Variants in DBT observed in about 807,000 individuals in gnomAD.
DBT encodes the protein lipoamide acyltransferase component of branched-chain alpha-keto acid dehydrogenase complex, mitochondrial.
A neutral mutation model predicts 51.3 loss-of-function variants in DBT; 40 were observed. The ratio of observed to expected loss-of-function variants is 0.78; its 90% confidence interval spans 0.61 to 1.02. The LOEUF (loss-of-function observed/expected upper bound fraction) is 1.02. DBT is among the 50% of genes least tolerant of loss of function. The pLI, the probability that DBT is intolerant of heterozygous loss-of-function variation, is 0.00. For missense variants in DBT, 510 were observed against 580.2 expected (o/e 0.88, Z 1.24); for synonymous variants, 181 against 190.4 (o/e 0.95, Z 0.41).
At position 100,187,948 on chromosome 1, in the gene DBT, T is replaced by C. The variant is rs1342487793; in HGVS notation, c.*8307A>G. On this transcript the variant is annotated 3_prime_UTR_variant, in exon 11 of 11. Transcript: ENST00000370132. The stretch of plus-strand genomic sequence containing the variant: ...TTGAAACTGGAGTATACTGCACTTA[T>C]ATATCATTATTTCTAATATACACCT... The C allele has an allele frequency of 1.3e-5, 2 of 152,208 alleles. No homozygotes were observed. Among genetic ancestry groups the C allele is most frequent in the Non-Finnish European group, 2.9e-5 (2 of 68,038 alleles). 9.4% of individuals were successfully genotyped at this position (152,208 alleles called of 1,614,324 possible).
At chr1:100,214,676 C>G in intron 7 of DBT, 141 bp downstream of exon 7, 1 of 806,536 alleles carries the variant, frequency 1.2e-6, no homozygotes, top group Non-Finnish European at 2.1e-6. Flanking sequence ...ATTGTTTAAA[C>G]CCGGAAGGTG....
At chr1:100,216,972 G>A (rs1188464429) in intron 5 of DBT, among the ~76,000 whole-genome samples, 1 of 152,042 alleles carries the variant, frequency 6.6e-6, no homozygotes, top group Non-Finnish European at 1.5e-5. Context: ...AATAATAAAG[G>A]ACTTTACTAA....
At chr1:100,210,589 CT>C in intron 8 of DBT, 104 bp downstream of exon 8, 1 of 1,503,764 alleles carries the variant, frequency 6.6e-7, no homozygotes, top group Non-Finnish European at 9.0e-7. Context: ...TAATTCTAGT[CT>C]AAAAAAGATC....
chr1:100,196,937 T>C (rs951486144), intron 10 of DBT: 1 of 212,890 alleles, frequency 4.7e-6, no homozygotes, highest in African/African-American at 2.3e-5. Context: ...GGAAGCTCTA[T>C]GACACTGATG....
At chr1:100,244,696 C>T (rs988964595) in intron 1 of DBT, among the ~76,000 whole-genome samples, 1 of 151,862 alleles carries the variant, frequency 6.6e-6, no homozygotes, top group Non-Finnish European at 1.5e-5. Context: ...ATTTATAAAT[C>T]AGACACAGTA....
At position 100,225,042 on chromosome 1, in the gene DBT, A is replaced by AAAAT. The variant is rs59482100; in HGVS notation, c.433+5690_433+5691insATTT. ...CCCCCCAAAAAAAAAAAAAAAAAAA[A>AAAAT]ATATATATATACACACACACACACA... On this transcript the variant is annotated intron_variant, in intron 4 of 10. Transcript: ENST00000370132. Among the ~76,000 whole-genome samples, 20 of 45,656 alleles carry AAAAT rather than the reference A, an allele frequency of 4.4e-4. 4 individuals carry two copies. Among genetic ancestry groups the AAAAT allele is most frequent in the African/African-American group, 1.1e-3 (17 of 14,902 alleles). The allele number at this position is 45,656 out of a possible 152,430, so 30.0% of individuals were successfully genotyped here.
At position 100,227,689 on chromosome 1, in the gene DBT, C is replaced by A. The variant is rs143747106; in HGVS notation, c.433+3044G>T. The stretch of plus-strand genomic sequence containing the variant: ...TCATTATCCTAGTTCAGTGTTTAAA[C>A]TTAGCATCACTATGGCAGTCATCAG... On this transcript the variant is annotated intron_variant, in intron 4 of 10. Coordinates refer to ENST00000370132, the MANE Select transcript of DBT (RefSeq NM_001918.5). Among the ~76,000 whole-genome samples, 842 of 152,308 alleles carry A rather than the reference C, an allele frequency of 5.5e-3. 7 individuals are homozygous for A. The highest frequency in any genetic ancestry group is 0.019 in the African/African-American group (776 of 41,554).
chr1:100,190,786 G>T lies in DBT; in HGVS notation c.*5469C>A, dbSNP rs969248433. ...GAGAGAAATTCAAGGTTCTTAGATT[G>T]AATCACTTTGTCTGCTCTGAGGTTA... is the stretch of plus-strand genomic sequence containing the variant. On this transcript the variant is annotated 3_prime_UTR_variant, in exon 11 of 11. Transcript: ENST00000370132. The T allele has an allele frequency of 6.6e-6, 1 of 152,232 alleles. No individual in the cohort carries two copies. The highest frequency in any genetic ancestry group is 2.4e-5 in the African/African-American group (1 of 41,440). The allele number at this position is 152,232 out of a possible 1,614,324, so 9.4% of individuals were successfully genotyped here.
At chr1:100,229,326 G>C (rs4908050) in intron 4 of DBT, among the ~76,000 whole-genome samples, 149,514 of 152,124 alleles carry the variant, frequency 0.98, 73,532 homozygotes, top group Middle Eastern at 1. Flanking sequence ...CACCACCATG[G>C]CTGGCTAATT....
At chr1:100,209,439 T>C (rs141554915) in intron 8 of DBT, among the ~76,000 whole-genome samples, 5 of 152,050 alleles carry the variant, frequency 3.3e-5, no homozygotes, top group African/African-American at 1.2e-4. Flanking sequence ...AATAAGTATA[T>C]ACTTAATCAG....
At chr1:100,249,164 G>A in intron 1 of DBT, 2 of 861,396 alleles carry the variant, frequency 2.3e-6, no homozygotes, top group Non-Finnish European at 2.8e-6. Flanking sequence ...GTATGTGTCA[G>A]TGCTTGGTGC....
chr1:100,240,327 G>GA (rs1664135125), intron 2 of DBT, among the ~76,000 whole-genome samples: 3 of 152,176 alleles, frequency 2.0e-5, no homozygotes, highest in African/African-American at 7.2e-5. Context: ...AGATGAGCCA[G>GA]ATGATAAATA....
At chr1:100,225,507 T>C (rs111790160) in intron 4 of DBT, among the ~76,000 whole-genome samples, 3 of 152,246 alleles carry the variant, frequency 2.0e-5, no homozygotes, top group African/African-American at 7.2e-5. Flanking sequence ...TGGATCTTAC[T>C]TGAGATGTCA....
chr1:100,214,594 A>G (rs1662372928), intron 7 of DBT, among the ~76,000 whole-genome samples: 1 of 152,162 alleles, frequency 6.6e-6, no homozygotes, highest in African/African-American at 2.4e-5. Flanking sequence ...GTGTCTACTA[A>G]AAATACAAAA....
At chr1:100,225,217 C>A (rs1663119076) in intron 4 of DBT, among the ~76,000 whole-genome samples, 1 of 151,544 alleles carries the variant, frequency 6.6e-6, no homozygotes. Context: ...TCCTTTCCAA[C>A]CCTTCCTACC....
intron 8 of DBT, among the ~76,000 whole-genome samples, chr1:100,210,272 C>A (rs1315983909): frequency 6.6e-6 from 1 of 150,680 alleles, no homozygotes; most frequent in East Asian, 2.0e-4. Context: ...AATCACAACA[C>A]TGCATTCCAA....
intron 7 of DBT, chr1:100,213,721 T>C: frequency 1.3e-6 from 2 of 1,576,534 alleles, no homozygotes; most frequent in Non-Finnish European, 1.7e-6. Flanking sequence ...TTTTCTAATG[T>C]AAATGTTGTG....
chr1:100,243,250 A>ACG, intron 1 of DBT, among the ~76,000 whole-genome samples: 1 of 117,090 alleles, frequency 8.5e-6, no homozygotes, highest in Non-Finnish European at 1.8e-5. Context: ...TGACAGAGAG[A>ACG]CCTTGTCTCC....
At chr1:100,219,671 C>G (rs906843895) in intron 4 of DBT, among the ~76,000 whole-genome samples, 3 of 152,108 alleles carry the variant, frequency 2.0e-5, no homozygotes, top group African/African-American at 4.8e-5. Context: ...ATCACTTAAA[C>G]CCAGGAAGTC....
Sources: gnomAD v4.1 joint callset for allele counts (sites outside exome capture counted in the v4.1 genomes callset) on GRCh38, gnomAD v4.1.1 for gene constraint, MANE v1.5 for transcripts, NCBI Gene and HGNC (gene_info 2026-07-23, HGNC 2026-07-21) for gene names.